Variants in JAG1 observed in about 807,000 individuals in gnomAD.
JAG1 encodes jagged canonical Notch ligand 1.
A neutral mutation model predicts 148.7 loss-of-function variants in JAG1; 23 were observed. The observed-to-expected ratio is 0.15, with a 90% CI of 0.11 to 0.22. The LOEUF is 0.22. JAG1 is among the 10% of genes least tolerant of loss of function. The probability of loss-of-function intolerance (pLI) is 1.00; values close to 1 mark genes in which losing one functional copy is unlikely to be tolerated. For missense variants in JAG1, 1,054 were observed against 1,611.2 expected (o/e 0.65, Z 5.92); for synonymous variants, 572 against 598.3 (o/e 0.96, Z 0.64).
At position 10,648,939 on chromosome 20, in the gene JAG1, A is replaced by C. The variant is rs2097470484; in HGVS notation, c.1395+122T>G. On this transcript the variant is annotated intron_variant, in intron 11 of 25. Transcript: ENST00000254958. ...TAACATAAGCCCTAGCGAAACTTCCAAGAGACTCTTTTTTCACCCAAATTT... is the reference window on the plus strand; with the variant it reads ...TAACATAAGCCCTAGCGAAACTTCCCAGAGACTCTTTTTTCACCCAAATTT... 4.1e-6 allele frequency: 4 copies of C among 967,856 alleles called. No individual in the cohort carries two copies. In the Admixed American group the frequency reaches 7.8e-5, roughly 19 times the overall value. 60.0% of individuals were successfully genotyped at this position (967,856 alleles called of 1,614,324 possible).
chr20:10,649,429 A>T, intron 10 of JAG1, 93 bp downstream of exon 10: 2 of 800,756 alleles, frequency 2.5e-6, no homozygotes, highest in Non-Finnish European at 4.4e-6. Flanking sequence ...TTTTCCTTCT[A>T]CTGCTCAAGT....
Position 10,646,933 on chromosome 20 carries a change from T to C in JAG1, c.1885+6A>G, listed in dbSNP as rs1361373139. 6.2e-7 allele frequency: 1 copy of C among 1,612,510 alleles called. No homozygotes were observed. The highest frequency in any genetic ancestry group is 1.1e-5 in the South Asian group (1 of 90,980). ...ACTGGTCCATTCCCGGATGAGGGAG[T>C]CTTACTTTCATGGCAGTATGTTCCC... On this transcript the variant is annotated splice_donor_region_variant and intron_variant, in intron 14 of 25. Transcript: ENST00000254958.
At chr20:10,650,714 A>G in intron 8 of JAG1, 1 of 309,174 alleles carries the variant, frequency 3.2e-6, no homozygotes, top group Non-Finnish European at 6.2e-6. Context: ...GAAGTCAGGA[A>G]AAATAGTTCT....
At chr20:10,658,850 A>T in intron 3 of JAG1, 128 bp from the exon 4 acceptor site, 1 of 1,062,038 alleles carries the variant, frequency 9.4e-7, no homozygotes, top group Non-Finnish European at 1.4e-6. Context: ...AAGGCAAAGA[A>T]ATGAAAAGTT....
intron 14 of JAG1, 30 bp downstream of exon 14, chr20:10,646,909 C>G: frequency 6.2e-7 from 1 of 1,611,304 alleles, no homozygotes; most frequent in East Asian, 2.2e-5. Context: ...CTGGGGAGCA[C>G]TGGTCCATTC....
intron 2 of JAG1, among the ~76,000 whole-genome samples, chr20:10,670,654 T>C (rs1052318285): frequency 2.0e-5 from 3 of 152,250 alleles, no homozygotes; most frequent in African/African-American, 7.2e-5. Context: ...TTAAATCTTA[T>C]GTTTCACAGC....
chr20:10,648,929 C>T (rs1320019044), intron 11 of JAG1, 132 bp downstream of exon 11: 68 of 924,896 alleles, frequency 7.4e-5, no homozygotes, highest in Non-Finnish European at 9.9e-5. Flanking sequence ...TAAGCCCTAG[C>T]GAAACTTCCA....
chr20:10,667,012 G>C (rs1000909416), intron 2 of JAG1, among the ~76,000 whole-genome samples: 1 of 152,214 alleles, frequency 6.6e-6, no homozygotes, highest in South Asian at 2.1e-4. Context: ...GGGCAGAGCG[G>C]TAAGCACTTA....
intron 3 of JAG1, chr20:10,662,270 A>G (rs2067422584): frequency 6.6e-6 from 1 of 152,168 alleles, no homozygotes; most frequent in African/African-American, 2.4e-5. Context: ...CTAGAACCCC[A>G]AAATCGGGCT....
intron 21 of JAG1, 125 bp downstream of exon 21, chr20:10,642,363 C>T: frequency 1.4e-6 from 1 of 699,824 alleles, no homozygotes. Context: ...GTTCCCTTTC[C>T]CTTGTAGTCC....
At chr20:10,640,956 T>G in intron 24 of JAG1, 23 bp from the exon 25 acceptor site, 1 of 1,613,784 alleles carries the variant, frequency 6.2e-7, no homozygotes. Context: ...TTGTCAGACT[T>G]GAGAGTCAGA....
At position 10,648,739 on chromosome 20, in the gene JAG1, GGA is replaced by G. The variant is rs544547916; in HGVS notation, c.1396-19_1396-18del. ...AACCAAATCCTAGAAGAGGAGAAGG[GGA>G]GAGAGAGACACATGCTTTTTTTCTA... On this transcript the variant is annotated intron_variant, in intron 11 of 25. Coordinates refer to ENST00000254958, the MANE Select transcript of JAG1 (RefSeq NM_000214.3). 67 of 1,612,826 alleles carry G rather than the reference GGA, an allele frequency of 4.2e-5. No individual in the cohort carries two copies. Among genetic ancestry groups the G allele is most frequent in the African/African-American group, 4.1e-4 (31 of 75,020 alleles).
At chr20:10,647,500 C>T (rs1408501898) in intron 13 of JAG1, among the ~76,000 whole-genome samples, 1 of 152,252 alleles carries the variant, frequency 6.6e-6, no homozygotes, top group Non-Finnish European at 1.5e-5. Flanking sequence ...CCTAATACAG[C>T]AGCCACCGGC....
At chr20:10,660,561 T>C (rs1373263847) in intron 3 of JAG1, among the ~76,000 whole-genome samples, 1 of 152,160 alleles carries the variant, frequency 6.6e-6, no homozygotes, top group African/African-American at 2.4e-5. Context: ...AGGGCAATCC[T>C]AGGGGTGCAG....
chr20:10,673,290 G>A lies in JAG1; in HGVS notation c.81+160C>T, dbSNP rs1423990079. Among the ~76,000 whole-genome samples, 2 of 152,190 alleles carry A rather than the reference G, an allele frequency of 1.3e-5. No individual in the cohort carries two copies. Among genetic ancestry groups the A allele is most frequent in the Non-Finnish European group, 2.9e-5 (2 of 68,016 alleles). ...CCTCAGGAGGCAGGGGCTCCCGTGG[G>A]GGAGTTGGCGCGCTCAGCCCAGGTG... On this transcript the variant is annotated intron_variant, in intron 1 of 25. Coordinates refer to ENST00000254958, the MANE Select transcript of JAG1 (RefSeq NM_000214.3). The surrounding 1 kb of genome is among the most constrained non-coding windows in gnomAD (Gnocchi z 4.7).
At chr20:10,664,371 G>GT (rs2067437613) in intron 2 of JAG1, among the ~76,000 whole-genome samples, 1 of 88,096 alleles carries the variant, frequency 1.1e-5, no homozygotes, top group South Asian at 3.4e-4. Context: ...AGTGCATGAG[G>GT]AAACACACAC....
chr20:10,651,431 C>T (rs776625714), intron 8 of JAG1, 150 bp downstream of exon 8: 6 of 617,126 alleles, frequency 9.7e-6, no homozygotes, highest in Non-Finnish European at 1.8e-5. Context: ...TCCAAACACA[C>T]AAGCCACCAG....
intron 20 of JAG1, among the ~76,000 whole-genome samples, chr20:10,643,549 C>T (rs1288630039): frequency 2.0e-5 from 3 of 152,174 alleles, no homozygotes; most frequent in Admixed American, 2.0e-4. Flanking sequence ...GTGACTGGCA[C>T]TCTCTCCCCA....
chr20:10,664,373 A>ACACACACAC (rs2067437833), intron 2 of JAG1, among the ~76,000 whole-genome samples: 2 of 144,594 alleles, frequency 1.4e-5, no homozygotes, highest in Admixed American at 7.0e-5. Flanking sequence ...TGCATGAGGA[A>ACACACACAC]ACACACACAC....
Sources: allele counts gnomAD v4.1 joint callset (sites outside exome capture counted in the v4.1 genomes callset), GRCh38; gene constraint gnomAD v4.1.1; non-coding constraint Gnocchi (gnomAD v3.1); transcripts MANE v1.5; gene names NCBI Gene and HGNC (gene_info 2026-07-23, HGNC 2026-07-21).